The following DTNB variants were observed in gnomAD, a reference collection of about 807,000 sequenced individuals.
DTNB encodes the protein DTN-B.
Under a neutral mutation model 90.7 loss-of-function variants are expected in DTNB, and 63 were observed. The ratio of observed to expected loss-of-function variants is 0.69; its 90% CI spans 0.57 to 0.86. The LOEUF (loss-of-function observed/expected upper bound fraction) is 0.86. Among genes scored for constraint, DTNB ranks in the 40% least tolerant of loss-of-function variants. The pLI is 0.00. For synonymous variants in DTNB, 277 were observed against 286.7 expected (o/e 0.97, Z 0.34); for missense variants, 744 against 807.1 (o/e 0.92, Z 0.95).
chr2:25,509,322 G>A (rs1399293210), intron 9 of DTNB, among the ~76,000 whole-genome samples: 2 of 152,152 alleles, frequency 1.3e-5, no homozygotes, highest in Admixed American at 6.5e-5. Context: ...TTTTCAGATT[G>A]AGAAGGTACC....
intron 8 of DTNB, among the ~76,000 whole-genome samples, chr2:25,560,352 A>G (rs2058069816): frequency 6.6e-6 from 1 of 152,230 alleles, no homozygotes; most frequent in African/African-American, 2.4e-5. Context: ...GGTGTTTTGC[A>G]TGAGATTAAC....
At chr2:25,477,056 A>C (rs1476315829) in intron 10 of DTNB, among the ~76,000 whole-genome samples, 11 of 152,244 alleles carry the variant, frequency 7.2e-5, no homozygotes, top group Non-Finnish European at 1.3e-4. Flanking sequence ...CTTAGTCAGC[A>C]GCCATCAGCA....
intron 20 of DTNB, among the ~76,000 whole-genome samples, 179 bp from the exon 21 acceptor site, chr2:25,377,732 A>T (rs1007129616): frequency 6.6e-6 from 1 of 152,212 alleles, no homozygotes. Flanking sequence ...CCTAAGGGTC[A>T]GGAAGTGTTT....
intron 4 of DTNB, 70 bp from the exon 5 acceptor site, chr2:25,607,391 T>C (rs1199477793): frequency 1.4e-6 from 2 of 1,438,246 alleles, no homozygotes; most frequent in Non-Finnish European, 1.9e-6. Context: ...TATCACTAAA[T>C]ACTGAGCAAC....
chr2:25,491,136 A>AGC (rs1380418549), intron 9 of DTNB, among the ~76,000 whole-genome samples: 1 of 34,030 alleles, frequency 2.9e-5, no homozygotes, highest in Non-Finnish European at 5.7e-5. Context: ...GTGTTATATG[A>AGC]GCACACACAC....
intron 16 of DTNB, among the ~76,000 whole-genome samples, chr2:25,399,056 A>T (rs1174029547): frequency 6.6e-6 from 1 of 152,096 alleles, no homozygotes; most frequent in Non-Finnish European, 1.5e-5. Context: ...TCGTCAGTGA[A>T]TCTTTTCTTT....
chr2:25,500,078 T>C (rs1464044643), intron 9 of DTNB, among the ~76,000 whole-genome samples: 1 of 152,038 alleles, frequency 6.6e-6, no homozygotes, highest in Non-Finnish European at 1.5e-5. Context: ...TATTTTTATA[T>C]TTCTGTAGAC....
chr2:25,501,715 T>C (rs1172506811), intron 9 of DTNB, among the ~76,000 whole-genome samples: 1 of 151,980 alleles, frequency 6.6e-6, no homozygotes, highest in East Asian at 1.9e-4. Flanking sequence ...TCAGACAAAC[T>C]AAAGAGAATG....
intron 12 of DTNB, among the ~76,000 whole-genome samples, chr2:25,438,559 G>A (rs1164703708): frequency 6.6e-6 from 1 of 152,212 alleles, no homozygotes; most frequent in African/African-American, 2.4e-5. Context: ...TAAAAACACT[G>A]TTCTACATTT....
At chr2:25,485,624 T>C (rs1264904219) in intron 9 of DTNB, among the ~76,000 whole-genome samples, 1 of 152,178 alleles carries the variant, frequency 6.6e-6, no homozygotes, top group African/African-American at 2.4e-5. Context: ...TCTGAACTCC[T>C]AACATGCTTT....
At chr2:25,453,480 A>G (rs2059566739) in intron 11 of DTNB, among the ~76,000 whole-genome samples, 1 of 152,196 alleles carries the variant, frequency 6.6e-6, no homozygotes, top group African/African-American at 2.4e-5. Flanking sequence ...TCACTCACTC[A>G]TCATGTTCTC....
intron 3 of DTNB, among the ~76,000 whole-genome samples, chr2:25,634,497 C>T (rs1481353602): frequency 6.6e-6 from 1 of 150,504 alleles, no homozygotes; most frequent in African/African-American, 2.4e-5. Flanking sequence ...CTCTGCCCGG[C>T]TGCCCCTACT....
intron 9 of DTNB, among the ~76,000 whole-genome samples, chr2:25,529,873 G>C (rs2077831086): frequency 6.6e-6 from 1 of 152,164 alleles, no homozygotes; most frequent in South Asian, 2.1e-4. Flanking sequence ...GAAGAGAATA[G>C]AAACATTCTC....
chr2:25,652,681 C>G lies in DTNB; in HGVS notation c.-1-20G>C. Reference sequence around the variant, plus strand: ...ATCATCCTAGAGACAAAGAAAGATACAATAAACCACTGTATAATTCGACAA... The same window carrying G: ...ATCATCCTAGAGACAAAGAAAGATAGAATAAACCACTGTATAATTCGACAA... On this transcript the variant is annotated intron_variant, in intron 1 of 20. Transcript: ENST00000406818. 1.9e-6 allele frequency: 3 copies of G among 1,606,200 alleles called. No individual in the cohort carries two copies. The highest frequency in any genetic ancestry group is 2.5e-6 in the Non-Finnish European group (3 of 1,177,710).
At chr2:25,647,085 C>T (rs561114368) in intron 2 of DTNB, among the ~76,000 whole-genome samples, 2 of 152,238 alleles carry the variant, frequency 1.3e-5, no homozygotes, top group South Asian at 4.1e-4. Flanking sequence ...TGAAAAGATG[C>T]ATACTGTACT....
intron 9 of DTNB, among the ~76,000 whole-genome samples, chr2:25,518,960 A>C (rs2075654383): frequency 6.6e-6 from 1 of 152,206 alleles, no homozygotes; most frequent in Non-Finnish European, 1.5e-5. Flanking sequence ...TATATACAGG[A>C]GAACAAAAAG....
chr2:25,483,022 A>C, intron 9 of DTNB, 149 bp from the exon 10 acceptor site: 1 of 533,566 alleles, frequency 1.9e-6, no homozygotes, highest in Admixed American at 4.8e-5. Context: ...CCCATGGGGA[A>C]GGGGAGGCCC....
intron 16 of DTNB, among the ~76,000 whole-genome samples, chr2:25,389,644 A>G (rs1018482026): frequency 4.6e-5 from 7 of 152,208 alleles, no homozygotes; most frequent in Non-Finnish European, 2.9e-5. Flanking sequence ...GAAAAAATAG[A>G]AGCCAAAGTG....
chr2:25,578,388 C>T (rs527422766), intron 7 of DTNB, among the ~76,000 whole-genome samples: 1 of 152,196 alleles, frequency 6.6e-6, no homozygotes, highest in Non-Finnish European at 1.5e-5. Flanking sequence ...CTCCAGAGAA[C>T]AGGACTCCCT....
Sources: gnomAD v4.1 joint callset for allele counts (sites outside exome capture counted in the v4.1 genomes callset) on GRCh38, gnomAD v4.1.1 for gene constraint, MANE v1.5 for transcripts, NCBI Gene and HGNC (gene_info 2026-07-23, HGNC 2026-07-21) for gene names.